The following PRKAA1 variants were observed in gnomAD, a reference collection of about 807,000 sequenced individuals.
PRKAA1 encodes protein kinase AMP-activated catalytic subunit alpha 1.
A neutral mutation model predicts 56.9 loss-of-function variants in PRKAA1; 23 were observed. That is an observed-to-expected ratio of 0.40 (90% confidence interval 0.29 to 0.57). The LOEUF is 0.57. PRKAA1 is among the 20% of genes least tolerant of loss of function. The probability of loss-of-function intolerance (pLI) is 0.39; values close to 1 mark genes in which losing one functional copy is unlikely to be tolerated. For synonymous variants in PRKAA1, 226 were observed against 227.0 expected, an observed-to-expected ratio of 1.00 and a Z score of 0.04; for missense variants, 413 against 679.7, an observed-to-expected ratio of 0.61 and a Z score of 4.36.
intron 1 of PRKAA1, 117 bp downstream of exon 1, chr5:40,797,946 G>C (rs913405333): frequency 6.7e-7 from 1 of 1,491,918 alleles, no homozygotes; most frequent in South Asian, 1.2e-5. Context: ...CCGGGACAGG[G>C]GCTGCCCAGC....
rs199741192 is a variant in PRKAA1, at chr5:40,798,132, C to G, written c.58G>C (p.Gly20Arg). The change falls in exon 1 of 9, where the codon GGG becomes CGG. Residue 20 changes from glycine (G) to arginine (R), a missense_variant. Around this residue, in one of 9 missense-constraint regions of PRKAA1, gnomAD observed 61 missense variants for 73.1 expected, o/e 0.83. Coordinates refer to ENST00000397128, the MANE Select transcript of PRKAA1 (RefSeq NM_006251.6). ...ATGTAGTGGCCGATCTTCACCCGCC[C>G]GTCGTGTTTCTGCTTCTCGGCTGTC... The part of the protein sequence containing the change: ...MATAEKQKHD[G>R]RVKIGHYILG... The G allele has an allele frequency of 1.2e-4, 190 of 1,600,622 alleles. No homozygotes were observed. The highest frequency in any genetic ancestry group is 2.7e-4 in the Admixed American group (16 of 59,352).
rs1382671155 is a variant in PRKAA1 at position 40,771,842 on chromosome 5, G to A, written c.385C>T (p.Arg129Cys). The stretch of plus-strand genomic sequence containing the variant: ...CCAGAAAGGATCTGTTGGAACAGAC[G>A]CCGACTTTCTTTTTCATCCAGCTAA... ...NGRLDEKESR[R>C]LFQQILSGVD... The change falls in exon 4 of 9, where the codon CGT becomes TGT. Residue 129 changes from arginine to cysteine, a missense_variant. Physicochemically the swap from Arg to Cys is radical, Grantham distance 180. Transcript: ENST00000397128. 6 of 1,609,070 alleles carry A rather than the reference G, an allele frequency of 3.7e-6. No homozygotes were observed. The highest frequency in any genetic ancestry group is 1.6e-4 in the Middle Eastern group (1 of 6,070).
At position 40,762,839 on chromosome 5, in the gene PRKAA1, C is replaced by G; in HGVS notation, c.1619G>C (p.Gly540Ala). The G allele has an allele frequency of 6.2e-7, 1 of 1,614,078 alleles. No homozygotes were observed. The highest frequency in any genetic ancestry group is 1.1e-5 in the South Asian group (1 of 91,088). ...CTCAAAAAATTCTATTGTGTGACTT[C>G]CAGGTCTTGGAGTTAGGTCAACAGG... Reference protein sequence around the residue: ...SSPVDLTPRPGSHTIEFFEMC... With the variant: ...SSPVDLTPRPASHTIEFFEMC... Residue 540 changes from glycine to alanine, a missense_variant, in exon 9 of 9, where the codon GGA becomes GCA. By Grantham distance (60) the Gly-to-Ala change is moderately conservative (BLOSUM62 0). Transcript: ENST00000397128.
chr5:40,764,525 C>G lies in PRKAA1; in HGVS notation c.1424G>C (p.Arg475Pro), dbSNP rs761385811. ...VDSRTYLLDFRSIDDEITEAK... is the reference protein window; with the variant it reads ...VDSRTYLLDFPSIDDEITEAK... Reference sequence around the variant, plus strand: ...TGTGATGTACATACCATCAATACTACGGAAATCCAGTAGATAAGTTCTACT... The same window carrying G: ...TGTGATGTACATACCATCAATACTAGGGAAATCCAGTAGATAAGTTCTACT... The change falls in exon 8 of 9, where the codon CGT becomes CCT. Residue 475 changes from arginine to proline, a missense_variant. Arg to Pro is a moderately radical substitution (Grantham distance 103). This residue lies in a region of PRKAA1 where 139 missense variants were observed against 171.5 expected (regional missense o/e 0.81). Coordinates refer to ENST00000397128, the MANE Select transcript of PRKAA1 (RefSeq NM_006251.6). 1 of 1,611,350 alleles carries G rather than the reference C, an allele frequency of 6.2e-7. No homozygotes were observed. Among genetic ancestry groups the G allele is most frequent in the East Asian group, 2.2e-5 (1 of 44,832 alleles).
chr5:40,785,938 C>T (rs1744462255), intron 1 of PRKAA1, among the ~76,000 whole-genome samples: 1 of 150,436 alleles, frequency 6.6e-6, no homozygotes, highest in East Asian at 2.0e-4. Context: ...TATCACAAAC[C>T]AAGGAACATC....
At chr5:40,792,405 T>G (rs1379029286) in intron 1 of PRKAA1, among the ~76,000 whole-genome samples, 1 of 152,230 alleles carries the variant, frequency 6.6e-6, no homozygotes, top group African/African-American at 2.4e-5. Flanking sequence ...TGGCAGCGAA[T>G]AACCCATTAT....
chr5:40,785,419 T>G (rs985431720), intron 1 of PRKAA1, among the ~76,000 whole-genome samples: 1 of 151,874 alleles, frequency 6.6e-6, no homozygotes, highest in Non-Finnish European at 1.5e-5. Flanking sequence ...TTTGTATGTT[T>G]AGTAGAGATG....
At chr5:40,769,891 A>AC (rs1470843163) in intron 4 of PRKAA1, among the ~76,000 whole-genome samples, 2 of 150,814 alleles carry the variant, frequency 1.3e-5, no homozygotes, top group African/African-American at 4.9e-5. Context: ...AAAAAAAAAA[A>AC]AAAAAAAAAA....
intron 3 of PRKAA1, among the ~76,000 whole-genome samples, chr5:40,772,728 G>A (rs1163602148): frequency 1.3e-5 from 2 of 151,916 alleles, no homozygotes; most frequent in African/African-American, 4.8e-5. Flanking sequence ...CGGCTTCCCT[G>A]GGGTCCCGCA....
At chr5:40,788,465 T>C (rs1453855115) in intron 1 of PRKAA1, among the ~76,000 whole-genome samples, 1 of 152,180 alleles carries the variant, frequency 6.6e-6, no homozygotes, top group Non-Finnish European at 1.5e-5. Flanking sequence ...TCATTTCTTG[T>C]ATATGATCCC....
chr5:40,764,519 A>C lies in PRKAA1; in HGVS notation c.1430T>G (p.Ile477Ser), dbSNP rs773894144. ...SRTYLLDFRS[I>S]DDEITEAKSG... The stretch of plus-strand genomic sequence containing the variant: ...GTTTTGTGTGATGTACATACCATCA[A>C]TACTACGGAAATCCAGTAGATAAGT... The change falls in exon 8 of 9, where the codon ATT (isoleucine) becomes AGT (serine). Residue 477 changes from isoleucine (I) to serine (S), a missense_variant. Physicochemically the swap from Ile to Ser is moderately radical, Grantham distance 142. Transcript: ENST00000397128. 34 of 1,611,222 alleles carry C rather than the reference A, an allele frequency of 2.1e-5. 1 individual carries two copies. In the Middle Eastern group the frequency reaches 6.0e-4, roughly 28 times the overall value.
chr5:40,761,194 T>C lies in PRKAA1; in HGVS notation c.*1584A>G, dbSNP rs1279428918. ...TAAAGAGTTATAACCAAGTGTCATA[T>C]GTAAACTTTAATTGGATCCTAGTTT... is the stretch of plus-strand genomic sequence containing the variant. On this transcript the variant is annotated 3_prime_UTR_variant, in exon 9 of 9. Transcript: ENST00000397128. 6.6e-6 allele frequency: 1 copy of C among 152,188 alleles called. No homozygotes were observed. Among genetic ancestry groups the C allele is most frequent in the Non-Finnish European group, 1.5e-5 (1 of 67,994 alleles). The allele number at this position is 152,188 out of a possible 1,614,324, so 9.4% of individuals were successfully genotyped here.
At chr5:40,769,366 GA>G in intron 5 of PRKAA1, 49 bp downstream of exon 5, 1 of 1,423,152 alleles carries the variant, frequency 7.0e-7, no homozygotes, top group Non-Finnish European at 9.8e-7. Flanking sequence ...AAATCTAGGA[GA>G]AAAAGACAAT....
intron 1 of PRKAA1, among the ~76,000 whole-genome samples, chr5:40,786,038 T>A (rs979800576): frequency 1.3e-5 from 2 of 152,096 alleles, no homozygotes; most frequent in African/African-American, 2.4e-5. Context: ...GGAGATCACC[T>A]GAGGTCAGGA....
chr5:40,768,534 A>T lies in PRKAA1; in HGVS notation c.597-844T>A, dbSNP rs896169208. 18 of 970,958 alleles carry T rather than the reference A, an allele frequency of 1.9e-5. No individual in the cohort carries two copies. In the Admixed American group the frequency reaches 4.8e-4, roughly 26 times the overall value. The allele number at this position is 970,958 out of a possible 1,614,324, so 60.1% of individuals were successfully genotyped here. ...AATTTTTGACATTAAGTTAATATTTAAAAAAAAGATGAAACTTGACAAATC... is the reference window on the plus strand; with the variant it reads ...AATTTTTGACATTAAGTTAATATTTTAAAAAAAGATGAAACTTGACAAATC... On this transcript the variant is annotated intron_variant, in intron 5 of 8. Transcript: ENST00000397128.
At chr5:40,768,844 C>T in intron 5 of PRKAA1, 1 of 1,500,586 alleles carries the variant, frequency 6.7e-7, no homozygotes, top group Non-Finnish European at 8.9e-7. Context: ...GTTTTCCAAA[C>T]TATTCAAAAA....
At chr5:40,776,334 G>C (rs1025075520) in intron 2 of PRKAA1, among the ~76,000 whole-genome samples, 1 of 152,246 alleles carries the variant, frequency 6.6e-6, no homozygotes, top group African/African-American at 2.4e-5. Flanking sequence ...GGTGAAAACT[G>C]TGGGAAGAGC....
chr5:40,782,374 T>C (rs1744297489), intron 1 of PRKAA1, among the ~76,000 whole-genome samples: 2 of 152,196 alleles, frequency 1.3e-5, no homozygotes, highest in Non-Finnish European at 2.9e-5. Flanking sequence ...GAGCATCTCC[T>C]ACATGCCAGT....
Position 40,761,411 on chromosome 5 carries a change from G to GA in PRKAA1, c.*1366dup, listed in dbSNP as rs1356226542. 6.6e-6 allele frequency: 1 copy of GA among 151,976 alleles called. No individual in the cohort carries two copies. The highest frequency in any genetic ancestry group is 2.4e-5 in the African/African-American group (1 of 41,384). 9.4% of individuals were successfully genotyped at this position (151,976 alleles called of 1,614,324 possible). A position where few individuals can be genotyped will look rare whatever the true frequency, so the allele number is the denominator to read the frequency against. On this transcript the variant is annotated 3_prime_UTR_variant, in exon 9 of 9. Transcript: ENST00000397128. ...CTGTAACATCCAAATGGTTCAGGGGGAAAAAAGCATATATACATACACAAA... is the reference window on the plus strand; with the variant it reads ...CTGTAACATCCAAATGGTTCAGGGGGAAAAAAAGCATATATACATACACAAA...
Sources: gnomAD v4.1 joint callset for allele counts (sites outside exome capture counted in the v4.1 genomes callset) on GRCh38, gnomAD v4.1.1 for gene constraint, gnomAD v4.1.1 regional missense constraint, MANE v1.5 for transcripts, NCBI Gene and HGNC (gene_info 2026-07-23, HGNC 2026-07-21) for gene names.